MSRB2: variants seen among roughly 807,000 people sequenced by gnomAD.
MSRB2 encodes the protein methionine sulfoxide reductase B2.
Under a neutral mutation model 19.0 loss-of-function variants are expected in MSRB2, and 17 were observed. That is an observed-to-expected ratio of 0.89 (90% CI 0.61 to 1.34). The LOEUF is 1.34. Ranked by LOEUF, MSRB2 falls within the 40% of genes most tolerant of loss-of-function variation. MSRB2 has a pLI of 0.00. For synonymous variants in MSRB2, 107 were observed against 99.7 expected (o/e 1.07, Z -0.44); for missense variants, 208 against 237.6 (o/e 0.88, Z 0.82).
chr10:23,098,431 A>C (rs1302550785), intron 1 of MSRB2, among the ~76,000 whole-genome samples: 1 of 152,266 alleles, frequency 6.6e-6, no homozygotes, highest in African/African-American at 2.4e-5. Flanking sequence ...CACAGAGAGA[A>C]GGGAACTCCA....
At chr10:23,109,160 C>A (rs147079301) in intron 2 of MSRB2, among the ~76,000 whole-genome samples, 1 of 152,096 alleles carries the variant, frequency 6.6e-6, no homozygotes, top group African/African-American at 2.4e-5. Flanking sequence ...CCTGTGATAG[C>A]GGATCTTCAT....
At chr10:23,101,791 C>T (rs546257636) in intron 1 of MSRB2, among the ~76,000 whole-genome samples, 56 of 152,224 alleles carry the variant, frequency 3.7e-4, no homozygotes, top group African/African-American at 1.2e-3. Context: ...TGATGGTACA[C>T]GGGTAGCCAT....
intron 1 of MSRB2, among the ~76,000 whole-genome samples, chr10:23,102,497 G>A (rs1454077257): frequency 6.6e-6 from 1 of 151,898 alleles, no homozygotes; most frequent in African/African-American, 2.4e-5. Context: ...TTTCACTTAT[G>A]TGATTTTTTC....
In MSRB2 at chr10:23,104,204, C is replaced by T. The variant is rs758002036; in HGVS notation, c.179C>T (p.Pro60Leu). 9.9e-6 allele frequency: 16 copies of T among 1,613,774 alleles called. 1 individual carries two copies. The highest frequency in any genetic ancestry group is 7.7e-5 in the South Asian group (7 of 91,062). ...AGTGAGTGGCAAAAGAAACTAACCC[C>T]GGAGCAGTTCTACGTCACAAGAGAA... The part of the protein sequence containing the change: ...AKSEWQKKLT[P>L]EQFYVTREKG... Residue 60 changes from proline (P) to leucine (L), a missense_variant, in exon 2 of 5, where the codon CCG (proline) becomes CTG (leucine). Transcript: ENST00000376510.
At chr10:23,107,003 G>T (rs1303672126) in intron 2 of MSRB2, among the ~76,000 whole-genome samples, 1 of 152,148 alleles carries the variant, frequency 6.6e-6, no homozygotes, top group Non-Finnish European at 1.5e-5. Flanking sequence ...CTCTGACCCT[G>T]GCCCCTCCCT....
intron 3 of MSRB2, among the ~76,000 whole-genome samples, chr10:23,115,932 A>G (rs17540863): frequency 0.23 from 35,315 of 152,038 alleles, 4,555 homozygotes; most frequent in Non-Finnish European, 0.29. Context: ...AATGTTGAGG[A>G]TGGAAAGACT....
chr10:23,117,021 C>G (rs1285258527), intron 3 of MSRB2, among the ~76,000 whole-genome samples: 2 of 152,152 alleles, frequency 1.3e-5, no homozygotes, highest in African/African-American at 4.8e-5. Context: ...CCATCATGAC[C>G]GGAAACTCGA....
In MSRB2 at chr10:23,120,916, C is replaced by G. The variant is rs933321752; in HGVS notation, c.*54C>G. On this transcript the variant is annotated 3_prime_UTR_variant, in exon 5 of 5. Coordinates refer to ENST00000376510, the MANE Select transcript of MSRB2 (RefSeq NM_012228.4). ...ACCCCTTCACGTGCACCCTCAATTT[C>G]CACAATTCACTTGAATGACTTGTTT... 2 of 1,341,932 alleles carry G rather than the reference C, an allele frequency of 1.5e-6. No homozygotes were observed. The highest frequency in any genetic ancestry group is 1.4e-5 in the African/African-American group (1 of 69,188). 83.1% of individuals were successfully genotyped at this position (1,341,932 alleles called of 1,614,324 possible).
intron 2 of MSRB2, among the ~76,000 whole-genome samples, chr10:23,107,263 A>G (rs907972994): frequency 6.6e-6 from 1 of 152,154 alleles, no homozygotes; most frequent in African/African-American, 2.4e-5. Flanking sequence ...GTAGCTTCAA[A>G]TTTCCAGTAG....
At chr10:23,110,880 T>C (rs1292826734) in intron 3 of MSRB2, among the ~76,000 whole-genome samples, 1 of 152,150 alleles carries the variant, frequency 6.6e-6, no homozygotes, top group Non-Finnish European at 1.5e-5. Context: ...CTGAAATCTC[T>C]CAACAAAGGC....
intron 1 of MSRB2, among the ~76,000 whole-genome samples, chr10:23,102,210 A>G (rs1405345098): frequency 1.3e-5 from 2 of 152,124 alleles, no homozygotes; most frequent in African/African-American, 4.8e-5. Context: ...CTCTTGCTAA[A>G]CCATTTGAGA....
chr10:23,098,646 T>C (rs1588966633), intron 1 of MSRB2, among the ~76,000 whole-genome samples: 3 of 152,196 alleles, frequency 2.0e-5, no homozygotes, highest in Admixed American at 2.0e-4. Flanking sequence ...ACAGCCAGTG[T>C]TGAAACCTCT....
At chr10:23,096,638 C>T (rs1161311090) in intron 1 of MSRB2, among the ~76,000 whole-genome samples, 1 of 152,022 alleles carries the variant, frequency 6.6e-6, no homozygotes, top group African/African-American at 2.4e-5. Flanking sequence ...TCTTTTTAGC[C>T]CCTGAAGTTT....
chr10:23,119,192 G>T, intron 3 of MSRB2, 112 bp from the exon 4 acceptor site: 2 of 1,344,190 alleles, frequency 1.5e-6, no homozygotes, highest in African/African-American at 1.4e-5. Flanking sequence ...ATGGGATCTG[G>T]CAGAGGAGAG....
intron 3 of MSRB2, among the ~76,000 whole-genome samples, chr10:23,118,327 T>C (rs186262480): frequency 1.3e-3 from 186 of 143,000 alleles, no homozygotes; most frequent in African/African-American, 4.8e-3. Context: ...TCTTCTTAGA[T>C]TAGTTTTTTG....
intron 2 of MSRB2, among the ~76,000 whole-genome samples, chr10:23,107,803 A>G (rs1839999881): frequency 6.6e-6 from 1 of 152,234 alleles, no homozygotes; most frequent in African/African-American, 2.4e-5. Flanking sequence ...TATCATGTCA[A>G]TACTAGAAAT....
chr10:23,111,022 T>C (rs1840045378), intron 3 of MSRB2, among the ~76,000 whole-genome samples: 1 of 152,184 alleles, frequency 6.6e-6, no homozygotes, highest in African/African-American at 2.4e-5. Flanking sequence ...CAACCCTAAA[T>C]TGGTTTAGAA....
intron 2 of MSRB2, among the ~76,000 whole-genome samples, chr10:23,107,111 G>C (rs1419348157): frequency 2.6e-5 from 4 of 152,174 alleles, no homozygotes; most frequent in Admixed American, 6.5e-5. Flanking sequence ...CACACTCCAG[G>C]CCTGCATGTG....
At position 23,121,360 on chromosome 10, in the gene MSRB2, G is replaced by T; in HGVS notation, c.*498G>T. On this transcript the variant is annotated 3_prime_UTR_variant, in exon 5 of 5. Transcript: ENST00000376510. ...GGTGCCACATACTTTTAAACAGCCA[G>T]ATCTCTCAAGAACTCACTCACTGTC... 1 of 154,922 alleles carries T rather than the reference G, an allele frequency of 6.5e-6. No individual in the cohort carries two copies. The highest frequency in any genetic ancestry group is 6.3e-5 in the Admixed American group (1 of 15,794). The allele number at this position is 154,922 out of a possible 1,614,324, so 9.6% of individuals were successfully genotyped here. A position where few individuals can be genotyped will look rare whatever the true frequency, so the allele number is the denominator to read the frequency against.
Sources: gnomAD v4.1 joint callset for allele counts (sites outside exome capture counted in the v4.1 genomes callset) on GRCh38, gnomAD v4.1.1 for gene constraint, MANE v1.5 for transcripts, NCBI Gene and HGNC (gene_info 2026-07-23, HGNC 2026-07-21) for gene names.